The following PALM2AKAP2 variants were observed in gnomAD, a reference collection of about 807,000 sequenced individuals.
PALM2AKAP2 encodes PALM2-AKAP2 fusion protein.
In PALM2AKAP2, 37 loss-of-function variants were observed where a neutral mutation model predicts 71.5. The ratio of observed to expected loss-of-function variants is 0.52; its 90% CI spans 0.40 to 0.68. The LOEUF (loss-of-function observed/expected upper bound fraction) is 0.68. PALM2AKAP2 is among the 30% of genes least tolerant of loss of function. PALM2AKAP2 has a pLI of 0.00. For missense variants in PALM2AKAP2, 1,224 were observed against 1,191.8 expected, an observed-to-expected ratio of 1.03 and a Z score of -0.40; for synonymous variants, 468 against 478.8, an observed-to-expected ratio of 0.98 and a Z score of 0.29.
At chr9:110,077,204 C>A (rs1350216461) in intron 1 of PALM2AKAP2, among the ~76,000 whole-genome samples, 1 of 152,102 alleles carries the variant, frequency 6.6e-6, no homozygotes, top group African/African-American at 2.4e-5. Flanking sequence ...AGCCTTGGTT[C>A]CTTTATCTGT....
chr9:109,648,865 C>T (rs892419518), intron 1 of PALM2AKAP2, among the ~76,000 whole-genome samples: 5 of 152,164 alleles, frequency 3.3e-5, no homozygotes, highest in South Asian at 2.1e-4. Context: ...TTCTAAATGC[C>T]TGTTGGTTGT....
intron 1 of PALM2AKAP2, among the ~76,000 whole-genome samples, chr9:110,083,595 C>T (rs528961771): frequency 9.8e-4 from 149 of 152,110 alleles, no homozygotes; most frequent in Non-Finnish European, 1.9e-3. Context: ...TTTTTTCCTA[C>T]TTATCTGTCT....
At chr9:109,763,633 A>G (rs1004270247) in intron 1 of PALM2AKAP2, among the ~76,000 whole-genome samples, 1 of 152,172 alleles carries the variant, frequency 6.6e-6, no homozygotes, top group Non-Finnish European at 1.5e-5. Flanking sequence ...ACTCTCTCAT[A>G]GTTCTGGGAG....
chr9:110,018,784 A>G lies in PALM2AKAP2; in HGVS notation c.582+2745A>G, dbSNP rs141685329. 8.5e-3 allele frequency among the ~76,000 whole-genome samples: 1,293 copies of G among 152,326 alleles called. 9 individuals carry two copies. Among genetic ancestry groups the G allele is most frequent in the Non-Finnish European group, 0.015 (997 of 68,032 alleles). Reference sequence around the variant, plus strand: ...GCTTGTTTCTATCTTCTCCTTTAGGATTCCCAATTACGGAGCAGTCATTGA... The same window carrying G: ...GCTTGTTTCTATCTTCTCCTTTAGGGTTCCCAATTACGGAGCAGTCATTGA... On this transcript the variant is annotated intron_variant, in intron 7 of 9. Transcript: ENST00000302798.
chr9:109,917,193 G>A (rs1030406134), intron 3 of PALM2AKAP2, among the ~76,000 whole-genome samples: 3 of 152,196 alleles, frequency 2.0e-5, no homozygotes, highest in Non-Finnish European at 4.4e-5. Context: ...CACAAGGCAC[G>A]GAACGTGGGT....
intron 6 of PALM2AKAP2, among the ~76,000 whole-genome samples, chr9:109,970,231 T>A (rs1832040156): frequency 6.6e-6 from 1 of 152,196 alleles, no homozygotes; most frequent in Admixed American, 6.5e-5. Context: ...AAAAGTAAAA[T>A]TTTTGAAAGA....
At chr9:110,136,847 T>A in exon 2 of PALM2AKAP2, 1 of 1,614,048 alleles carries the variant, frequency 6.2e-7, no homozygotes, top group Non-Finnish European at 8.5e-7. Context: ...GAAAGAACAA[T>A]ACTGCATTAG....
chr9:109,966,193 G>A (rs144425679), intron 6 of PALM2AKAP2, among the ~76,000 whole-genome samples: 67 of 152,262 alleles, frequency 4.4e-4, no homozygotes, highest in East Asian at 7.7e-4. Flanking sequence ...CTGGGGCATC[G>A]TAGAAAATGG....
intron 6 of PALM2AKAP2, among the ~76,000 whole-genome samples, chr9:109,988,011 C>T (rs1832411738): frequency 6.6e-6 from 1 of 152,234 alleles, no homozygotes; most frequent in South Asian, 2.1e-4. Flanking sequence ...CATAGGATTT[C>T]TACCATGAAT....
At chr9:109,987,273 G>C (rs1832396226) in intron 6 of PALM2AKAP2, among the ~76,000 whole-genome samples, 1 of 152,116 alleles carries the variant, frequency 6.6e-6, no homozygotes, top group African/African-American at 2.4e-5. Context: ...TGGGACTACA[G>C]GTGTGCGCCA....
chr9:110,140,262 A>C (rs1213813598), intron 2 of PALM2AKAP2, among the ~76,000 whole-genome samples: 1 of 152,170 alleles, frequency 6.6e-6, no homozygotes, highest in Non-Finnish European at 1.5e-5. Flanking sequence ...AGCTCACGGG[A>C]GCCCTTTCTG....
chr9:110,151,846 C>CT (rs1402002849), intron 2 of PALM2AKAP2, among the ~76,000 whole-genome samples: 1 of 152,250 alleles, frequency 6.6e-6, no homozygotes, highest in Non-Finnish European at 1.5e-5. Flanking sequence ...AATGTCAGGG[C>CT]TGGCCATCAG....
At chr9:110,164,331 TC>T (rs1468721748) in intron 3 of PALM2AKAP2, among the ~76,000 whole-genome samples, 1 of 152,138 alleles carries the variant, frequency 6.6e-6, no homozygotes, top group African/African-American at 2.4e-5. Context: ...AACATATCTG[TC>T]TTTTGTTTCA....
intron 2 of PALM2AKAP2, among the ~76,000 whole-genome samples, chr9:109,868,847 C>CTCTTT (rs1238067600): frequency 2.6e-5 from 4 of 152,228 alleles, no homozygotes; most frequent in Non-Finnish European, 5.9e-5. Flanking sequence ...GGTGCTGTTG[C>CTCTTT]TCTTTCCCCA....
intron 1 of PALM2AKAP2, among the ~76,000 whole-genome samples, chr9:109,811,924 T>A (rs1173385661): frequency 6.6e-6 from 1 of 152,174 alleles, no homozygotes; most frequent in Non-Finnish European, 1.5e-5. Context: ...AAACCAAATA[T>A]AAGGCACTGT....
intron 6 of PALM2AKAP2, among the ~76,000 whole-genome samples, chr9:109,937,955 A>C (rs1229527969): frequency 1.3e-5 from 2 of 152,228 alleles, no homozygotes; most frequent in Non-Finnish European, 2.9e-5. Flanking sequence ...TACCTCTGAC[A>C]TGGAGAAGCT....
intron 3 of PALM2AKAP2, among the ~76,000 whole-genome samples, chr9:109,897,790 TAATTGTTTTGAGACAGGGC>T (rs1345513804): frequency 3.3e-5 from 5 of 152,330 alleles, no homozygotes; most frequent in African/African-American, 1.2e-4. Context: ...ATTTACAGTT[TAATTGTTTTGAGACAGGGC>T]AGGATTCCTA....
Position 109,725,558 on chromosome 9 carries a change from C to T in PALM2AKAP2, c.6-54930C>T, listed in dbSNP as rs1041261574. On this transcript the variant is annotated intron_variant, in intron 1 of 6. Transcript: ENST00000374531. ...ACAGAGATAAAAGTACAGAGATGCT[C>T]GTTATGGTATGACTCGTAAGAAAAA... Among the ~76,000 whole-genome samples, 5 of 152,156 alleles carry T rather than the reference C, an allele frequency of 3.3e-5. No homozygotes were observed. In the South Asian group the frequency reaches 6.2e-4, roughly 19 times the overall value.
chr9:110,048,959 C>A, intron 1 of PALM2AKAP2: 1 of 1,359,030 alleles, frequency 7.4e-7, no homozygotes, highest in Non-Finnish European at 9.6e-7. Flanking sequence ...ATCTGGGAGT[C>A]CTCGGAAGCA....
Sources: gnomAD v4.1 joint callset for allele counts (sites outside exome capture counted in the v4.1 genomes callset) on GRCh38, gnomAD v4.1.1 for gene constraint, MANE v1.5 for transcripts, NCBI Gene and HGNC (gene_info 2026-07-23, HGNC 2026-07-21) for gene names.